The following ABCA13 variants were observed in gnomAD, a reference collection of about 807,000 sequenced individuals.
ABCA13 encodes ATP binding cassette subfamily A member 13.
In ABCA13, 476 loss-of-function variants were observed where a neutral mutation model predicts 478.7. The observed-to-expected ratio is 0.99, with a 90% CI of 0.92 to 1.07. ABCA13 has a LOEUF of 1.07. Ranked by LOEUF, ABCA13 falls within the 50% of genes least tolerant of loss-of-function variation. The pLI is 0.00. For synonymous variants in ABCA13, 2,252 were observed against 2,158.9 expected (o/e 1.04, Z -1.20); for missense variants, 6,060 against 5,910.6 (o/e 1.03, Z -0.83).
At chr7:48,643,447 A>C in intron 60 of ABCA13, 54 bp downstream of exon 60, 2 of 1,411,484 alleles carry the variant, frequency 1.4e-6, no homozygotes, top group Non-Finnish European at 1.0e-6. Flanking sequence ...AAAAATAATA[A>C]ATGTACCTGT....
intron 59 of ABCA13, among the ~76,000 whole-genome samples, chr7:48,630,662 G>A (rs1794089078): frequency 6.6e-6 from 1 of 152,062 alleles, no homozygotes; most frequent in African/African-American, 2.4e-5. Context: ...ATTCCTTTGG[G>A]TATATACCCA....
At chr7:48,564,335 T>C (rs7799302) in intron 55 of ABCA13, among the ~76,000 whole-genome samples, 24,874 of 151,888 alleles carry the variant, frequency 0.16, 2,240 homozygotes, top group East Asian at 0.3. Flanking sequence ...TAAAGAATGG[T>C]ATAAAACTGA....
At chr7:48,611,506 G>A (rs1457111707) in intron 58 of ABCA13, among the ~76,000 whole-genome samples, 3 of 152,182 alleles carry the variant, frequency 2.0e-5, no homozygotes, top group African/African-American at 4.8e-5. Flanking sequence ...TGTACAGGAA[G>A]CATGGCTAGG....
chr7:48,172,797 C>CAAAA lies in ABCA13; in HGVS notation c.69+1280_69+1283dup, dbSNP rs36196847. Among the ~76,000 whole-genome samples the CAAAA allele has an allele frequency of 7.0e-4, 53 of 75,542 alleles. 3 individuals are homozygous for CAAAA. Among genetic ancestry groups the CAAAA allele is most frequent in the African/African-American group, 2.6e-3 (49 of 18,616 alleles). 49.6% of individuals were successfully genotyped at this position (75,542 alleles called of 152,430 possible). On this transcript the variant is annotated intron_variant, in intron 1 of 61. Coordinates refer to ENST00000435803, the MANE Select transcript of ABCA13 (RefSeq NM_152701.5). ...TGGGCGACAGAGCGAGACTCCGTCTCAAAAAAAAAAAAAAAAAAAAAAAAA... is the reference window on the plus strand; with the variant it reads ...TGGGCGACAGAGCGAGACTCCGTCTCAAAAAAAAAAAAAAAAAAAAAAAAAAAAA...
intron 38 of ABCA13, among the ~76,000 whole-genome samples, chr7:48,394,739 T>C (rs1171680608): frequency 6.6e-6 from 1 of 152,202 alleles, no homozygotes; most frequent in Non-Finnish European, 1.5e-5. Context: ...GGTATTTGGT[T>C]ACATGAGTAA....
At chr7:48,196,713 A>G (rs1451711970) in intron 2 of ABCA13, among the ~76,000 whole-genome samples, 1 of 152,100 alleles carries the variant, frequency 6.6e-6, no homozygotes, top group East Asian at 1.9e-4. Context: ...TCTCTGACCC[A>G]CTGAGCACTG....
chr7:48,581,853 G>C (rs1319680704), intron 56 of ABCA13, among the ~76,000 whole-genome samples: 2 of 152,170 alleles, frequency 1.3e-5, no homozygotes, highest in Non-Finnish European at 2.9e-5. Flanking sequence ...TTCCAAAGGA[G>C]TTAGCTCCTT....
intron 16 of ABCA13, among the ~76,000 whole-genome samples, chr7:48,269,307 T>C (rs1795291944): frequency 6.6e-6 from 1 of 152,216 alleles, no homozygotes; most frequent in South Asian, 2.1e-4. Flanking sequence ...TCAATGGATT[T>C]TGAAAGGAAA....
At chr7:48,308,323 G>A (rs1231184673) in intron 23 of ABCA13, among the ~76,000 whole-genome samples, 1 of 151,964 alleles carries the variant, frequency 6.6e-6, no homozygotes, top group Non-Finnish European at 1.5e-5. Context: ...ACCTCCTGAG[G>A]GACTTGCCTG....
At chr7:48,470,599 G>A (rs751575337) in intron 44 of ABCA13, among the ~76,000 whole-genome samples, 7 of 152,070 alleles carry the variant, frequency 4.6e-5, no homozygotes, top group Admixed American at 2.6e-4. Context: ...AAATCTTTAC[G>A]TTATTTTTGT....
chr7:48,572,324 A>G (rs184193095), intron 55 of ABCA13, among the ~76,000 whole-genome samples: 229 of 151,964 alleles, frequency 1.5e-3, no homozygotes, highest in Non-Finnish European at 2.1e-3. Context: ...TATTTTTATA[A>G]AGAATATATT....
chr7:48,429,487 G>A (rs937742340), intron 42 of ABCA13, among the ~76,000 whole-genome samples: 1 of 152,174 alleles, frequency 6.6e-6, no homozygotes, highest in Admixed American at 6.5e-5. Flanking sequence ...ACACCTTAGT[G>A]TGTATCTCAT....
intron 21 of ABCA13, among the ~76,000 whole-genome samples, chr7:48,296,631 GT>G (rs576090547): frequency 1.2e-3 from 176 of 151,686 alleles, no homozygotes; most frequent in African/African-American, 4.2e-3. Context: ...GGCTAATTTT[GT>G]TTTTTTATTT....
intron 29 of ABCA13, 113 bp from the exon 30 acceptor site, chr7:48,350,530 G>A: frequency 1.6e-6 from 2 of 1,286,336 alleles, no homozygotes; most frequent in Middle Eastern, 2.9e-4. Flanking sequence ...CAATTTTTTA[G>A]TGGAAGAATT....
chr7:48,296,953 C>T (rs1351892229), intron 21 of ABCA13, among the ~76,000 whole-genome samples: 5 of 152,176 alleles, frequency 3.3e-5, no homozygotes, highest in African/African-American at 1.2e-4. Flanking sequence ...ATTCTCTTCA[C>T]AGTTGTGAAA....
chr7:48,288,043 ATACAAGGGGTCACTT>A lies in ABCA13; in HGVS notation c.8922_8936del (p.Ile2974_Leu2979delinsMet). ...GATAAGGCATCTCATTTTATCTGCT[ATACAAGGGGTCACTT>A]TGGCGCAGGACCACTTCCAGGTTTG... On this transcript the variant is annotated inframe_deletion, in exon 20 of 62. Coordinates refer to ENST00000435803, the MANE Select transcript of ABCA13 (RefSeq NM_152701.5). 1 of 1,614,012 alleles carries A rather than the reference ATACAAGGGGTCACTT, an allele frequency of 6.2e-7. No homozygotes were observed. Among genetic ancestry groups the A allele is most frequent in the Non-Finnish European group, 8.5e-7 (1 of 1,179,876 alleles).
At chr7:48,263,838 G>A (rs1303193811) in intron 15 of ABCA13, among the ~76,000 whole-genome samples, 1 of 151,780 alleles carries the variant, frequency 6.6e-6, no homozygotes, top group East Asian at 1.9e-4. Flanking sequence ...GGCATGCAAT[G>A]TGTAGTAATC....
rs79120589 is a variant in ABCA13, at chr7:48,300,885, C to A, written c.9321+2398C>A. ...TCCACCTGCCCTGTGAAGCACCCATCCACTTCATGCTGTGTTCCTATGTTT... is the reference window on the plus strand; with the variant it reads ...TCCACCTGCCCTGTGAAGCACCCATACACTTCATGCTGTGTTCCTATGTTT... On this transcript the variant is annotated intron_variant, in intron 23 of 61. Coordinates refer to ENST00000435803, the MANE Select transcript of ABCA13 (RefSeq NM_152701.5). 5.6e-4 allele frequency among the ~76,000 whole-genome samples: 85 copies of A among 152,298 alleles called. 1 individual carries two copies. The East Asian group carries it at 0.013, about 24-fold the overall frequency.
chr7:48,456,796 GTTTA>G (rs1367905610), intron 43 of ABCA13, among the ~76,000 whole-genome samples: 9 of 147,622 alleles, frequency 6.1e-5, no homozygotes, highest in African/African-American at 1.8e-4. Flanking sequence ...GCATATAAAG[GTTTA>G]TTTATTTGTT....
Sources: allele counts gnomAD v4.1 joint callset (sites outside exome capture counted in the v4.1 genomes callset), GRCh38; gene constraint gnomAD v4.1.1; transcripts MANE v1.5; gene names NCBI Gene and HGNC (gene_info 2026-07-23, HGNC 2026-07-21).